Variants in DYNC2H1 observed in about 807,000 individuals in gnomAD.
DYNC2H1 encodes cytoplasmic dynein 2 heavy chain 1.
In DYNC2H1, 410 loss-of-function variants were observed where a neutral mutation model predicts 570.0. The ratio of observed to expected loss-of-function variants is 0.72; its 90% CI spans 0.66 to 0.78. DYNC2H1 has a LOEUF of 0.78. DYNC2H1 is among the 30% of genes least tolerant of loss of function. The pLI is 0.00. For synonymous variants in DYNC2H1, 1,688 were observed against 1,677.6 expected (o/e 1.01, Z -0.15); for missense variants, 4,865 against 5,046.4 (o/e 0.96, Z 1.09).
intron 70 of DYNC2H1, among the ~76,000 whole-genome samples, chr11:103,263,353 G>A (rs929943738): frequency 2.0e-4 from 30 of 151,920 alleles, no homozygotes; most frequent in African/African-American, 6.3e-4. Flanking sequence ...TGGACCAAGC[G>A]GACCTAACTC....
chr11:103,120,376 C>G, intron 6 of DYNC2H1, 71 bp from the exon 7 acceptor site: 1 of 1,336,502 alleles, frequency 7.5e-7, no homozygotes, highest in South Asian at 1.9e-5. Flanking sequence ...CCCAATATAT[C>G]TAGATTTTAG....
intron 15 of DYNC2H1, 96 bp downstream of exon 15, chr11:103,134,515 TCTTTAAATCTTACTAA>T: frequency 1.2e-6 from 1 of 860,474 alleles, no homozygotes; most frequent in South Asian, 3.2e-5. Flanking sequence ...ATAAAAGTTA[TCTTTAAATCTTACTAA>T]TAAATACCTA....
intron 1 of DYNC2H1, among the ~76,000 whole-genome samples, chr11:103,110,357 A>AAG (rs1260364075): frequency 6.6e-6 from 1 of 152,116 alleles, no homozygotes; most frequent in African/African-American, 2.4e-5. Context: ...TATAACTAAA[A>AAG]AGAAAACATT....
chr11:103,121,026 C>T lies in DYNC2H1; in HGVS notation c.1350C>T (p.Asp450=), dbSNP rs190106816. 7.9e-5 allele frequency: 123 copies of T among 1,564,836 alleles called. No homozygotes were observed. The African/African-American group carries it at 1.5e-3, about 20-fold the overall frequency. Reference sequence around the variant, plus strand: ...AAACTTTACTGGCAAGACTTGTGGACTCAATTAAAGGTAAAAGTTTATGAG... The same window carrying T: ...AAACTTTACTGGCAAGACTTGTGGATTCAATTAAAGGTAAAAGTTTATGAG... ...ERETLLARLV[D]SIKDFRLDFE... is the part of the protein sequence containing the mutation. Residue 450 remains aspartate (D), a synonymous_variant, in exon 9 of 89, where the codon GAC becomes GAT. Transcript: ENST00000375735.
Position 103,472,472 on chromosome 11 carries a change from T to C in DYNC2H1, c.12765+3767T>C, listed in dbSNP as rs986838656. Among the ~76,000 whole-genome samples, 1 of 152,158 alleles carries C rather than the reference T, an allele frequency of 6.6e-6. No homozygotes were observed. The highest frequency in any genetic ancestry group is 2.4e-5 in the African/African-American group (1 of 41,444). ...GGTCTAGCAGTGAGTGGTTGGATAA[T>C]AGATTGGCACACTGTGAGATACAAT... On this transcript the variant is annotated intron_variant, in intron 88 of 88. Transcript: ENST00000375735. The surrounding 1 kb of genome is among the most constrained non-coding windows in gnomAD (Gnocchi z 4.1).
In DYNC2H1 at chr11:103,241,438, T is replaced by C. The variant is rs1457856495; in HGVS notation, c.9820-2255T>C. On this transcript the variant is annotated intron_variant, in intron 63 of 88. Coordinates refer to ENST00000375735, the MANE Select transcript of DYNC2H1 (RefSeq NM_001377.3). This position sits in a 1 kb window ranked among gnomAD's most constrained non-coding sequence, Gnocchi z 5.1. ...CGTAAAATAAGATGACAACAAACTT[T>C]TAAGTACCCTTTGAAAAACTTAAGC... 2.0e-5 allele frequency: 24 copies of C among 1,198,876 alleles called. No individual in the cohort carries two copies. In the East Asian group the frequency reaches 6.0e-4, roughly 30 times the overall value. 74.3% of individuals were successfully genotyped at this position (1,198,876 alleles called of 1,614,324 possible).
intron 84 of DYNC2H1, among the ~76,000 whole-genome samples, chr11:103,428,358 T>C (rs1166516108): frequency 6.6e-6 from 1 of 152,044 alleles, no homozygotes; most frequent in Non-Finnish European, 1.5e-5. Flanking sequence ...TAGTACATAG[T>C]CTATATTCAA....
intron 87 of DYNC2H1, among the ~76,000 whole-genome samples, chr11:103,458,549 TA>T (rs897025825): frequency 1.3e-5 from 2 of 152,160 alleles, no homozygotes; most frequent in Non-Finnish European, 1.5e-5. Flanking sequence ...AATTAGTATA[TA>T]AAAAATCTTG....
chr11:103,415,254 G>A (rs573360253), intron 84 of DYNC2H1, among the ~76,000 whole-genome samples: 17 of 152,218 alleles, frequency 1.1e-4, no homozygotes, highest in African/African-American at 4.1e-4. Context: ...ACATAGGCAT[G>A]GGCAAGGACT....
Position 103,187,427 on chromosome 11 carries a change from C to T in DYNC2H1, c.6981C>T (p.Leu2327=), listed in dbSNP as rs778303605. Residue 2327 remains leucine, a synonymous_variant, in exon 43 of 89, where the codon CTC becomes CTT. Transcript: ENST00000375735. The stretch of plus-strand genomic sequence containing the variant: ...GTGCACAAACCACTTCTCGACATCT[C>T]CTGCAGAAACTGAGCCAGACTTGCA... The part of the protein sequence containing the change: ...HCSAQTTSRH[L]LQKLSQTCMV... 5.6e-6 allele frequency: 9 copies of T among 1,613,296 alleles called. No homozygotes were observed. In the South Asian group the frequency reaches 8.8e-5, roughly 16 times the overall value.
At chr11:103,452,715 T>TATG (rs1944652624) in intron 85 of DYNC2H1, among the ~76,000 whole-genome samples, 1 of 152,022 alleles carries the variant, frequency 6.6e-6, no homozygotes, top group Non-Finnish European at 1.5e-5. Flanking sequence ...AGTGGAACTC[T>TATG]TATGACATAC....
chr11:103,252,874 T>C lies in DYNC2H1; in HGVS notation c.10043-411T>C, dbSNP rs1049581348. On this transcript the variant is annotated intron_variant, in intron 65 of 88. Transcript: ENST00000375735. The surrounding 1 kb of genome is among the most constrained non-coding windows in gnomAD (Gnocchi z 4.6). ...TGTTTTTTTAACCATCATTCTGTTT[T>C]CAAATACTGTATCTTAAATACTAGT... Among the ~76,000 whole-genome samples the C allele has an allele frequency of 1.2e-4, 19 of 152,196 alleles. No homozygotes were observed. The highest frequency in any genetic ancestry group is 4.6e-4 in the African/African-American group (19 of 41,458).
intron 47 of DYNC2H1, 59 bp downstream of exon 47, chr11:103,192,323 CT>C: frequency 7.7e-7 from 1 of 1,302,390 alleles, no homozygotes; most frequent in Non-Finnish European, 1.0e-6. Context: ...GAAATTTTTT[CT>C]TACCCAGAGC....
chr11:103,450,677 C>T (rs908090546), intron 85 of DYNC2H1, among the ~76,000 whole-genome samples: 7 of 152,138 alleles, frequency 4.6e-5, no homozygotes, highest in Admixed American at 3.9e-4. Context: ...GGACATGGCA[C>T]ATTGAGAAGA....
chr11:103,199,586 C>G lies in DYNC2H1; in HGVS notation c.8088+110C>G, dbSNP rs1442565456. ...AAAGAACTAAAGTTTTAAAGAACAT[C>G]TTTAAAGAACTAAAGTTCTCTGTTA... On this transcript the variant is annotated intron_variant, in intron 49 of 88. Coordinates refer to ENST00000375735, the MANE Select transcript of DYNC2H1 (RefSeq NM_001377.3). This position sits in a 1 kb window ranked among gnomAD's most constrained non-coding sequence, Gnocchi z 4.6. 1.9e-6 allele frequency: 2 copies of G among 1,052,932 alleles called. No individual in the cohort carries two copies. The highest frequency in any genetic ancestry group is 3.2e-5 in the African/African-American group (2 of 62,054). The allele number at this position is 1,052,932 out of a possible 1,614,324, so 65.2% of individuals were successfully genotyped here. A position where few individuals can be genotyped will look rare whatever the true frequency, so the allele number is the denominator to read the frequency against.
intron 70 of DYNC2H1, among the ~76,000 whole-genome samples, chr11:103,276,761 A>T (rs180958521): frequency 6.6e-5 from 10 of 152,190 alleles, no homozygotes; most frequent in East Asian, 3.9e-4. Context: ...ACTTTTGGAT[A>T]TTGTTATATA....
chr11:103,245,992 T>C lies in DYNC2H1; in HGVS notation c.10042+618T>C, dbSNP rs1413427832. 6.6e-6 allele frequency among the ~76,000 whole-genome samples: 1 copy of C among 152,034 alleles called. No individual in the cohort carries two copies. The highest frequency in any genetic ancestry group is 2.4e-5 in the African/African-American group (1 of 41,418). ...AGCACAGCAAACTTTAAATAGAAAA[T>C]TGATGTTATTGGGGCAACGCAGAGA... On this transcript the variant is annotated intron_variant, in intron 65 of 88. Coordinates refer to ENST00000375735, the MANE Select transcript of DYNC2H1 (RefSeq NM_001377.3). This position sits in a 1 kb window ranked among gnomAD's most constrained non-coding sequence, Gnocchi z 4.5.
At position 103,244,716 on chromosome 11, in the gene DYNC2H1, T is replaced by A. The variant is rs950599801; in HGVS notation, c.9919-535T>A. 2.0e-5 allele frequency among the ~76,000 whole-genome samples: 3 copies of A among 148,206 alleles called. No individual in the cohort carries two copies. Among genetic ancestry groups the A allele is most frequent in the Non-Finnish European group, 4.5e-5 (3 of 67,186 alleles). On this transcript the variant is annotated intron_variant, in intron 64 of 88. Transcript: ENST00000375735. The surrounding 1 kb of genome is among the most constrained non-coding windows in gnomAD (Gnocchi z 4.3). Reference sequence around the variant, plus strand: ...TATATACATATATCACTATACTATATATCTTATATACATATAAGTATATAA... The same window carrying A: ...TATATACATATATCACTATACTATAAATCTTATATACATATAAGTATATAA...
intron 69 of DYNC2H1, 99 bp from the exon 70 acceptor site, chr11:103,259,789 C>A: frequency 1.3e-6 from 1 of 741,154 alleles, no homozygotes; most frequent in Admixed American, 3.1e-5. Context: ...GTTAAAGATA[C>A]TTGTTTCAGA....
Sources: gnomAD v4.1 joint callset for allele counts (sites outside exome capture counted in the v4.1 genomes callset) on GRCh38, gnomAD v4.1.1 for gene constraint, Gnocchi (gnomAD v3.1) non-coding constraint, MANE v1.5 for transcripts, NCBI Gene and HGNC (gene_info 2026-07-23, HGNC 2026-07-21) for gene names.